Variants in NHSL2 observed in about 807,000 individuals in gnomAD.
The protein encoded by NHSL2 is NHS-like protein 2.
A neutral mutation model predicts 53.4 loss-of-function variants in NHSL2; 27 were observed. That is an observed-to-expected ratio of 0.51 (90% confidence interval 0.37 to 0.70). NHSL2 has a LOEUF of 0.70. Among genes scored for constraint, NHSL2 ranks in the 30% least tolerant of loss-of-function variants. The pLI, the probability that NHSL2 is intolerant of heterozygous loss-of-function variation, is 0.00. For synonymous variants in NHSL2, 408 were observed against 404.1 expected (o/e 1.01, Z -0.12); for missense variants, 892 against 980.1 (o/e 0.91, Z 1.20).
chrX:72,006,292 A>G (rs1228635297), intron 1 of NHSL2, among the ~76,000 whole-genome samples: 5 of 112,091 alleles, frequency 4.5e-5, no homozygotes, highest in Non-Finnish European at 5.6e-5. Context: ...ACTGCGATCC[A>G]GCTTCCCACC....
chrX:72,145,396 C>G lies in NHSL2; in HGVS notation c.*1822C>G, dbSNP rs769185035. ...GAATCTGAGACTTCTGGAAACAGGC[C>G]AGGCCCACCAACTCCCTTGCAACCA... On this transcript the variant is annotated 3_prime_UTR_variant, in exon 8 of 8. Coordinates refer to ENST00000633930, the MANE Select transcript of NHSL2 (RefSeq NM_001013627.3). 1 of 112,317 alleles carries G rather than the reference C, an allele frequency of 8.9e-6. No homozygotes were observed. Among genetic ancestry groups the G allele is most frequent in the Non-Finnish European group, 1.9e-5 (1 of 53,267 alleles). The allele number at this position is 112,317 out of a possible 1,213,427, so 9.3% of individuals were successfully genotyped here.
intron 1 of NHSL2, among the ~76,000 whole-genome samples, chrX:72,032,089 TAA>T (rs68182187): frequency 2.0e-4 from 21 of 103,001 alleles, no homozygotes; most frequent in African/African-American, 3.0e-4. Context: ...GCCACTGAAG[TAA>T]AAAAAAAAAA....
chrX:72,139,429 A>G lies in NHSL2; in HGVS notation c.1881A>G (p.Lys627=). ...GTCACCCAGCTATTCCAAACCACAA[A>G]GATCCAGAAAGTACACAATTCTCCC... The part of the protein sequence containing the change: ...AQGHPAIPNH[K]DPESTQFSHH... The change falls in exon 6 of 8, where the codon AAA becomes AAG. Residue 627 remains lysine (K), a synonymous_variant. Coordinates refer to ENST00000633930, the MANE Select transcript of NHSL2 (RefSeq NM_001013627.3). The G allele has an allele frequency of 8.3e-7, 1 of 1,210,902 alleles. No homozygotes were observed. Among genetic ancestry groups the G allele is most frequent in the Non-Finnish European group, 1.1e-6 (1 of 895,116 alleles).
intron 1 of NHSL2, among the ~76,000 whole-genome samples, chrX:72,102,974 G>A (rs1391457196): frequency 8.9e-6 from 1 of 112,400 alleles, no homozygotes; most frequent in Non-Finnish European, 1.9e-5. Flanking sequence ...TGCCCCAGAT[G>A]GGAGTACCCA....
intron 1 of NHSL2, among the ~76,000 whole-genome samples, chrX:71,965,570 A>C (rs898663448): frequency 1.8e-5 from 2 of 112,046 alleles, no homozygotes; most frequent in Admixed American, 1.9e-4. Context: ...CTTCTCCTTC[A>C]ATATTGAGGC....
chrX:72,126,526 C>T (rs1348479017), intron 1 of NHSL2, among the ~76,000 whole-genome samples: 2 of 110,571 alleles, frequency 1.8e-5, no homozygotes, highest in African/African-American at 6.6e-5. Context: ...TGGCACAGCA[C>T]TCAAAAGCAG....
chrX:72,030,230 T>C (rs2042207508), intron 1 of NHSL2, among the ~76,000 whole-genome samples: 1 of 112,231 alleles, frequency 8.9e-6, no homozygotes, highest in Admixed American at 9.4e-5. Context: ...ACTGGATTCC[T>C]GCTGCCAGCA....
chrX:72,011,323 G>C (rs1351745025), intron 1 of NHSL2, among the ~76,000 whole-genome samples: 1 of 112,404 alleles, frequency 8.9e-6, no homozygotes, highest in Non-Finnish European at 1.9e-5. Context: ...AAATGCCCAA[G>C]AGTACAATTG....
chrX:71,983,998 C>A (rs1330982409), intron 1 of NHSL2, among the ~76,000 whole-genome samples: 2 of 111,703 alleles, frequency 1.8e-5, no homozygotes, highest in South Asian at 3.8e-4. Flanking sequence ...CGCAGCCCAG[C>A]AGGTCTCATC....
In NHSL2 at chrX:71,916,237, G is replaced by T. The variant is rs751720829; in HGVS notation, c.280+4870G>T. ...TTTTCTGTTATTCTAGTAGAGGCTGGTTGGCATTTCAGAAGGCACCTTTTA... is the reference window on the plus strand; with the variant it reads ...TTTTCTGTTATTCTAGTAGAGGCTGTTTGGCATTTCAGAAGGCACCTTTTA... On this transcript the variant is annotated intron_variant, in intron 1 of 7. Transcript: ENST00000633930. 8.9e-5 allele frequency among the ~76,000 whole-genome samples: 10 copies of T among 111,817 alleles called. No individual in the cohort carries two copies. In the Admixed American group the frequency reaches 9.5e-4, roughly 11 times the overall value.
intron 1 of NHSL2, among the ~76,000 whole-genome samples, chrX:72,055,157 A>G (rs953340525): frequency 1.8e-5 from 2 of 111,561 alleles, no homozygotes; most frequent in Admixed American, 9.5e-5. Flanking sequence ...CAGCAACTAC[A>G]TTTTCAGTTA....
chrX:71,967,597 G>A (rs921462661), intron 1 of NHSL2, among the ~76,000 whole-genome samples: 3 of 111,463 alleles, frequency 2.7e-5, no homozygotes, highest in Non-Finnish European at 5.7e-5. Context: ...TTTTCTAGAC[G>A]TCTTTCTGTT....
rs1569485615 is a variant in NHSL2 at position 72,151,823 on chromosome X, C to T, written c.*8249C>T. The T allele has an allele frequency of 8.9e-6, 1 of 112,378 alleles. No homozygotes were observed. The highest frequency in any genetic ancestry group is 1.9e-5 in the Non-Finnish European group (1 of 53,269). 9.3% of individuals were successfully genotyped at this position (112,378 alleles called of 1,213,427 possible). A position where few individuals can be genotyped will look rare whatever the true frequency, so the allele number is the denominator to read the frequency against. ...GGGCTGTCGTTGGAAAGTCTGGCAG[C>T]CCAGGCCATAGGATTCCAGTTCAGC... On this transcript the variant is annotated 3_prime_UTR_variant, in exon 8 of 8. Transcript: ENST00000633930.
rs989169159 is a variant in NHSL2, at chrX:72,134,093, G to C, written c.439G>C (p.Glu147Gln). ...GTCTCCACTGTGCTATTTTTCAGAA[G>C]AATATGAGGAACAGTACTCGGAGGC... is the stretch of plus-strand genomic sequence containing the variant. ...QLNLQSLLQE[E>Q]YEEQYSEARL... Residue 147 changes from glutamate (E) to glutamine (Q), a missense_variant and splice_region_variant, in exon 3 of 8, where the codon GAA (glutamate) becomes CAA (glutamine). By Grantham distance (29) the Glu-to-Gln change is conservative. Transcript: ENST00000633930. The C allele has an allele frequency of 5.5e-5, 64 of 1,166,075 alleles. No homozygotes were observed. Among genetic ancestry groups the C allele is most frequent in the Non-Finnish European group, 7.2e-5 (63 of 872,301 alleles).
chrX:71,987,990 C>T (rs1228631798), intron 1 of NHSL2, among the ~76,000 whole-genome samples: 1 of 112,401 alleles, frequency 8.9e-6, no homozygotes, highest in Admixed American at 9.4e-5. Context: ...ATGATGGCAA[C>T]CAAGAGAAAG....
At chrX:71,948,307 A>T (rs947177923) in intron 1 of NHSL2, among the ~76,000 whole-genome samples, 3 of 111,183 alleles carry the variant, frequency 2.7e-5, no homozygotes, top group Admixed American at 9.5e-5. Context: ...CATTTTTCTG[A>T]GCCTCAGTTT....
intron 1 of NHSL2, among the ~76,000 whole-genome samples, chrX:72,100,053 T>A (rs1231427674): frequency 9.0e-6 from 1 of 111,574 alleles, no homozygotes; most frequent in Non-Finnish European, 1.9e-5. Context: ...ATCCTCAACT[T>A]CACCACTCAA....
In NHSL2 at chrX:71,911,354, C is replaced by A. The variant is rs960326758; in HGVS notation, c.267C>A (p.Asp89Glu). ...LPCRLLGPEE[D>E]EEELAAANSG... ...GCCGCCTGCTTGGCCCGGAGGAGGA[C>A]GAGGAAGAGCTAGGTAAAAACGGCG... Residue 89 changes from aspartate to glutamate, a missense_variant, in exon 1 of 8, where the codon GAC becomes GAA. By Grantham distance (45) the Asp-to-Glu change is conservative. Coordinates refer to ENST00000633930, the MANE Select transcript of NHSL2 (RefSeq NM_001013627.3). 19 of 1,087,230 alleles carry A rather than the reference C, an allele frequency of 1.7e-5. No individual in the cohort carries two copies. In the Admixed American group the frequency reaches 4.9e-4, roughly 28 times the overall value. The allele number at this position is 1,087,230 out of a possible 1,213,427, so 89.6% of individuals were successfully genotyped here. A position where few individuals can be genotyped will look rare whatever the true frequency, so the allele number is the denominator to read the frequency against.
chrX:72,003,046 G>A (rs754486326), intron 1 of NHSL2, among the ~76,000 whole-genome samples: 26 of 110,074 alleles, frequency 2.4e-4, no homozygotes, highest in African/African-American at 8.6e-4. Context: ...TGTCACTGGT[G>A]GTACTGACGT....
Sources: gnomAD v4.1 joint callset for allele counts (sites outside exome capture counted in the v4.1 genomes callset) on GRCh38, gnomAD v4.1.1 for gene constraint, MANE v1.5 for transcripts, NCBI Gene and HGNC (gene_info 2026-07-23, HGNC 2026-07-21) for gene names.